Variants in FRMD4B observed in about 807,000 individuals in gnomAD.
The protein encoded by FRMD4B is FERM domain-containing protein 4B.
Under a neutral mutation model 141.5 loss-of-function variants are expected in FRMD4B, and 74 were observed. That is an observed-to-expected ratio of 0.52 (90% CI 0.43 to 0.63). The LOEUF (loss-of-function observed/expected upper bound fraction) is 0.63. Ranked by LOEUF, FRMD4B falls within the 30% of genes least tolerant of loss-of-function variation. FRMD4B has a pLI of 0.00. For missense variants in FRMD4B, 1,366 were observed against 1,253.4 expected, an observed-to-expected ratio of 1.09 and a Z score of -1.36; for synonymous variants, 506 against 467.9, an observed-to-expected ratio of 1.08 and a Z score of -1.05.
chr3:69,357,785 C>A (rs1435584373), intron 1 of FRMD4B, among the ~76,000 whole-genome samples: 2 of 152,210 alleles, frequency 1.3e-5, no homozygotes, highest in African/African-American at 4.8e-5. Context: ...AACCATTTGT[C>A]ATAAAGTAAG....
At chr3:69,449,926 C>T (rs566379784) in intron 1 of FRMD4B, among the ~76,000 whole-genome samples, 1 of 152,120 alleles carries the variant, frequency 6.6e-6, no homozygotes, top group Non-Finnish European at 1.5e-5. Flanking sequence ...CTTCTGGAGT[C>T]ATATATTTGG....
At chr3:69,197,068 T>G in intron 12 of FRMD4B, 30 bp from the exon 13 acceptor site, 1 of 1,597,592 alleles carries the variant, frequency 6.3e-7, no homozygotes, top group Non-Finnish European at 8.6e-7. Context: ...ACTCAAATAA[T>G]TCCCCTCTGG....
In FRMD4B at chr3:69,171,984, A is replaced by G. The variant is rs751823751; in HGVS notation, c.2985-3T>C. On this transcript the variant is annotated splice_polypyrimidine_tract_variant and splice_region_variant and intron_variant, in intron 22 of 22. Coordinates refer to ENST00000398540, the MANE Select transcript of FRMD4B (RefSeq NM_015123.3). ...GTTGACTGATTTCTGTGTATTGTCT[A>G]TTAAAGAAAACCAGAAAAGTTACTA... 1.9e-6 allele frequency: 3 copies of G among 1,612,988 alleles called. No individual in the cohort carries two copies. Among genetic ancestry groups the G allele is most frequent in the Middle Eastern group, 1.7e-4 (1 of 6,056 alleles).
intron 22 of FRMD4B, among the ~76,000 whole-genome samples, chr3:69,174,743 A>G (rs2092624568): frequency 6.6e-6 from 1 of 152,234 alleles, no homozygotes; most frequent in African/African-American, 2.4e-5. Context: ...TGTTAAGGAT[A>G]TGAGAACTGA....
At chr3:69,487,235 A>G (rs768283134) in intron 1 of FRMD4B, among the ~76,000 whole-genome samples, 5 of 152,216 alleles carry the variant, frequency 3.3e-5, no homozygotes, top group Non-Finnish European at 5.9e-5. Context: ...TATAGGCCTG[A>G]GTCTATAGTC....
At chr3:69,366,611 C>T (rs912994572) in intron 1 of FRMD4B, among the ~76,000 whole-genome samples, 3 of 152,182 alleles carry the variant, frequency 2.0e-5, no homozygotes, top group South Asian at 2.1e-4. Flanking sequence ...CATTAAAGAA[C>T]CTTCATGTTC....
At chr3:69,357,787 T>C (rs909591639) in intron 1 of FRMD4B, among the ~76,000 whole-genome samples, 1 of 152,216 alleles carries the variant, frequency 6.6e-6, no homozygotes, top group African/African-American at 2.4e-5. Flanking sequence ...CCATTTGTCA[T>C]AAAGTAAGAG....
At chr3:69,463,178 C>T (rs1705731365) in intron 1 of FRMD4B, among the ~76,000 whole-genome samples, 2 of 152,342 alleles carry the variant, frequency 1.3e-5, no homozygotes, top group East Asian at 1.9e-4. Context: ...TTAGACCCCT[C>T]ACCAGTCAAT....
At chr3:69,414,754 C>T (rs1044873422) in intron 2 of FRMD4B, among the ~76,000 whole-genome samples, 3 of 152,022 alleles carry the variant, frequency 2.0e-5, no homozygotes, top group Non-Finnish European at 4.4e-5. Flanking sequence ...CTGCGTAGGG[C>T]GTACCCAGAA....
intron 2 of FRMD4B, among the ~76,000 whole-genome samples, chr3:69,420,555 CT>C (rs928779777): frequency 3.9e-5 from 6 of 152,094 alleles, no homozygotes; most frequent in Non-Finnish European, 7.4e-5. Context: ...GCTAAACCCC[CT>C]ATTTCTGAAT....
intron 11 of FRMD4B, chr3:69,200,562 TC>T: frequency 1.8e-6 from 2 of 1,133,384 alleles, no homozygotes; most frequent in South Asian, 2.0e-5. Flanking sequence ...AAACTGAGCC[TC>T]CCACGGCTGA....
chr3:69,485,884 C>T (rs1387326149), intron 1 of FRMD4B, among the ~76,000 whole-genome samples: 4 of 152,246 alleles, frequency 2.6e-5, no homozygotes, highest in African/African-American at 9.6e-5. Flanking sequence ...AGTGTGATGG[C>T]AGCAGCCACA....
At chr3:69,433,600 G>C (rs1159965154) in intron 1 of FRMD4B, among the ~76,000 whole-genome samples, 2 of 152,206 alleles carry the variant, frequency 1.3e-5, no homozygotes, top group Non-Finnish European at 2.9e-5. Flanking sequence ...AAGTCAAGGG[G>C]ATTTCCTCAC....
chr3:69,395,103 A>G (rs907320223), intron 2 of FRMD4B, among the ~76,000 whole-genome samples: 11 of 152,182 alleles, frequency 7.2e-5, no homozygotes, highest in Admixed American at 2.0e-4. Flanking sequence ...TGATAGGTGC[A>G]GCAAACCGCC....
chr3:69,409,236 A>T (rs1704713013), intron 2 of FRMD4B, among the ~76,000 whole-genome samples: 1 of 152,190 alleles, frequency 6.6e-6, no homozygotes. Context: ...ATTCCGGCTC[A>T]GTCTTTACCC....
intron 5 of FRMD4B, among the ~76,000 whole-genome samples, chr3:69,264,848 A>G (rs2093550468): frequency 6.6e-6 from 1 of 152,178 alleles, no homozygotes; most frequent in Admixed American, 6.5e-5. Flanking sequence ...TGACCAAAGT[A>G]TCTGGGCAGA....
At chr3:69,229,330 A>G (rs958934417) in intron 7 of FRMD4B, among the ~76,000 whole-genome samples, 1 of 152,162 alleles carries the variant, frequency 6.6e-6, no homozygotes, top group East Asian at 1.9e-4. Flanking sequence ...CCAGCCCCCC[A>G]AAATTACATT....
chr3:69,378,423 T>C (rs1183463520), intron 1 of FRMD4B, among the ~76,000 whole-genome samples: 1 of 152,246 alleles, frequency 6.6e-6, no homozygotes, highest in Non-Finnish European at 1.5e-5. Context: ...AGGAACATTC[T>C]GTGGGCCTGA....
At chr3:69,359,032 T>C (rs1399661698) in intron 1 of FRMD4B, among the ~76,000 whole-genome samples, 1 of 152,182 alleles carries the variant, frequency 6.6e-6, no homozygotes, top group Non-Finnish European at 1.5e-5. Flanking sequence ...GGTATTTGGC[T>C]ATAGACACAG....
Sources: gnomAD v4.1 joint callset for allele counts (sites outside exome capture counted in the v4.1 genomes callset) on GRCh38, gnomAD v4.1.1 for gene constraint, MANE v1.5 for transcripts, NCBI Gene and HGNC (gene_info 2026-07-23, HGNC 2026-07-21) for gene names.